Variants in CROCC observed in about 807,000 individuals in gnomAD.
CROCC encodes rootletin.
In CROCC, 180 loss-of-function variants were observed where a neutral mutation model predicts 245.2. That is an observed-to-expected ratio of 0.73 (90% CI 0.65 to 0.83). The LOEUF (loss-of-function observed/expected upper bound fraction) is 0.83. Among genes scored for constraint, CROCC ranks in the 40% least tolerant of loss-of-function variants. The pLI is 0.00. For missense variants in CROCC, 2,688 were observed against 2,779.4 expected (o/e 0.97, Z 0.74); for synonymous variants, 1,205 against 1,241.6 (o/e 0.97, Z 0.62).
chr1:16,918,738 G>GTTTTTTTTTTTTTTT (rs68022839), upstream of CROCC, among the ~76,000 whole-genome samples: 2 of 144,038 alleles, frequency 1.4e-5, 1 homozygote, highest in Non-Finnish European at 3.0e-5. Context: ...TTAGTTTTTT[G>GTTTTTTTTTTTTTTT]TTTTTGTTTT....
At chr1:16,949,445 A>G (rs1315164031) in intron 19 of CROCC, among the ~76,000 whole-genome samples, 2 of 152,234 alleles carry the variant, frequency 1.3e-5, no homozygotes, top group Admixed American at 1.3e-4. Context: ...AGAACCAGGA[A>G]GGGAAATGCT....
intron 27 of CROCC, 121 bp from the exon 28 acceptor site, chr1:16,965,602 T>C (rs2076402995): frequency 1.3e-6 from 1 of 770,842 alleles, no homozygotes; most frequent in African/African-American, 1.7e-5. Flanking sequence ...ACCCCTAAGC[T>C]ATAGCAGAGA....
At chr1:16,946,216 G>C in intron 15 of CROCC, 43 bp from the exon 16 acceptor site, 1 of 1,596,564 alleles carries the variant, frequency 6.3e-7, no homozygotes, top group Non-Finnish European at 8.5e-7. Flanking sequence ...ACCTCCTCCC[G>C]ACCTTTCTGC....
chr1:16,938,768 G>A, intron 11 of CROCC, 141 bp from the exon 12 acceptor site: 1 of 870,286 alleles, frequency 1.1e-6, no homozygotes. Context: ...AGCTAGTGGA[G>A]GAGGTGAAAT....
chr1:16,930,383 ATGGCCCCCTGCGCGAG>A, intron 6 of CROCC, 30 bp from the exon 7 acceptor site: 1 of 1,611,224 alleles, frequency 6.2e-7, no homozygotes, highest in Non-Finnish European at 8.5e-7. Context: ...GGCTGGCAGG[ATGGCCCCCTGCGCGAG>A]CGCCTACTGA....
rs778354589 is a variant in CROCC, at chr1:16,924,352, C to T, written c.224C>T (p.Ser75Leu). ...PVLLPATEMA[S>L]LLSLQEENQL... ...CTGCTGCCGGCCACAGAGATGGCAT[C>T]GCTGCTGTCGCTGCAGGAGGAGAAC... The change falls in exon 3 of 37, where the codon TCG becomes TTG. Residue 75 changes from serine (S) to leucine (L), a missense_variant. Around this residue, in one of 9 missense-constraint regions of CROCC, gnomAD observed 972 missense variants for 895.3 expected, o/e 1.09. Transcript: ENST00000375541. 13 of 1,612,926 alleles carry T rather than the reference C, an allele frequency of 8.1e-6. No individual in the cohort carries two copies. Among genetic ancestry groups the T allele is most frequent in the Admixed American group, 1.7e-5 (1 of 59,986 alleles).
At position 16,967,321 on chromosome 1, in the gene CROCC, TG is replaced by T. The variant is rs139350807; in HGVS notation, c.4860+752del. Among the ~76,000 whole-genome samples, 761 of 152,218 alleles carry T rather than the reference TG, an allele frequency of 5.0e-3. 9 individuals are homozygous for T. Among genetic ancestry groups the T allele is most frequent in the African/African-American group, 0.018 (743 of 41,530 alleles). On this transcript the variant is annotated intron_variant, in intron 30 of 36. Transcript: ENST00000375541. ...GTCGGGCAGGAAACTCAGGCCCTGG[TG>T]GTGACAGTGCAGCCAAAGCTCCCCT...
intron 25 of CROCC, among the ~76,000 whole-genome samples, chr1:16,958,087 T>C (rs2076275729): frequency 6.6e-6 from 1 of 152,202 alleles, no homozygotes; most frequent in Non-Finnish European, 1.5e-5. Flanking sequence ...TGTGTGACTT[T>C]GGGGAGGTTA....
chr1:16,936,534 G>C (rs764861763), intron 8 of CROCC, 103 bp from the exon 9 acceptor site: 3 of 1,225,068 alleles, frequency 2.4e-6, no homozygotes, highest in Non-Finnish European at 3.4e-6. Context: ...CTCCTGAAGT[G>C]CTGGGATTAT....
At chr1:16,919,498 G>A (rs1251247721), upstream of CROCC, among the ~76,000 whole-genome samples, 3 of 152,282 alleles carry the variant, frequency 2.0e-5, no homozygotes, top group African/African-American at 4.8e-5. Flanking sequence ...AGTGTAGCAG[G>A]ACAAGCCGCA....
chr1:16,924,042 G>A (rs2100324943), intron 2 of CROCC, among the ~76,000 whole-genome samples: 1 of 152,378 alleles, frequency 6.6e-6, no homozygotes, highest in Non-Finnish European at 1.5e-5. Context: ...AAAGGAGGGA[G>A]CAAGAACTCA....
At position 16,972,430 on chromosome 1, in the gene CROCC, G is replaced by T. The variant is rs1325873833; in HGVS notation, c.6038G>T (p.Gly2013Val). 5.6e-6 allele frequency: 9 copies of T among 1,612,102 alleles called. No individual in the cohort carries two copies. Among genetic ancestry groups the T allele is most frequent in the Non-Finnish European group, 7.6e-6 (9 of 1,179,172 alleles). The change falls in exon 37 of 37, where the codon GGC (glycine) becomes GTC (valine). Residue 2013 changes from glycine to valine, a missense_variant. Transcript: ENST00000375541. ...RSSAPFSPPS[G>V]PPEK ...TCAGCACCCTTCTCCCCACCCTCCG[G>T]CCCCCCAGAGAAATGAGCTCCTGCT...
intron 8 of CROCC, among the ~76,000 whole-genome samples, chr1:16,936,061 CT>C (rs1169420162): frequency 1.6e-4 from 25 of 151,998 alleles, no homozygotes; most frequent in East Asian, 9.6e-4. Context: ...TTATGTATCC[CT>C]TTTTTTTTCC....
chr1:16,965,699 G>A, intron 27 of CROCC, 24 bp from the exon 28 acceptor site: 1 of 1,558,414 alleles, frequency 6.4e-7, no homozygotes, highest in South Asian at 1.1e-5. Flanking sequence ...CTGCATCACT[G>A]AGCAAGTCTT....
rs1217168132 is a variant in CROCC, at chr1:16,924,320, G to A, written c.197-5G>A. 1.9e-6 allele frequency: 3 copies of A among 1,611,212 alleles called. No homozygotes were observed. The East Asian group carries it at 6.7e-5, about 36-fold the overall frequency. On this transcript the variant is annotated splice_polypyrimidine_tract_variant and splice_region_variant and intron_variant, in intron 2 of 36. Coordinates refer to ENST00000375541, the MANE Select transcript of CROCC (RefSeq NM_014675.5). ...GCCAACCATGTGCCCACTGTCCCTTGCCAGTCCTGCTGCCGGCCACAGAGA... is the reference window on the plus strand; with the variant it reads ...GCCAACCATGTGCCCACTGTCCCTTACCAGTCCTGCTGCCGGCCACAGAGA...
chr1:16,949,739 TAGTA>T (rs2076126732), intron 19 of CROCC, among the ~76,000 whole-genome samples: 3 of 152,222 alleles, frequency 2.0e-5, no homozygotes, highest in South Asian at 4.1e-4. Flanking sequence ...GCTTGACCCA[TAGTA>T]AGTGCTCAGT....
Position 16,937,852 on chromosome 1 carries a change from C to G in CROCC, c.1290+115C>G, listed in dbSNP as rs569434621. The G allele has an allele frequency of 7.8e-6, 7 of 896,204 alleles. No homozygotes were observed. In the East Asian group the frequency reaches 1.6e-4, roughly 20 times the overall value. The allele number at this position is 896,204 out of a possible 1,614,324, so 55.5% of individuals were successfully genotyped here. On this transcript the variant is annotated intron_variant, in intron 10 of 36. Transcript: ENST00000375541. ...TCACCCCCAGCGTCCCACTCACACT[C>G]AGGTTCAGCCCTCACAGGTGTGCAG...
chr1:16,928,069 C>T (rs563415748), intron 3 of CROCC, among the ~76,000 whole-genome samples: 4 of 152,286 alleles, frequency 2.6e-5, no homozygotes, highest in Admixed American at 1.3e-4. Context: ...ACCCAAGACC[C>T]GAGATGAGCG....
chr1:16,929,167 C>T (rs7532114), intron 3 of CROCC, among the ~76,000 whole-genome samples: 130,501 of 152,236 alleles, frequency 0.86, 55,248 homozygotes, highest in East Asian at 0.89. Flanking sequence ...TAGGGCAACA[C>T]CTGTGTGCAC....
Sources: allele counts gnomAD v4.1 joint callset (sites outside exome capture counted in the v4.1 genomes callset), GRCh38; gene constraint gnomAD v4.1.1; regional missense constraint gnomAD v4.1.1; transcripts MANE v1.5; gene names NCBI Gene and HGNC (gene_info 2026-07-23, HGNC 2026-07-21).